Variants in PRRG1 observed in about 807,000 individuals in gnomAD.
PRRG1 encodes the protein transmembrane gamma-carboxyglutamic acid protein 1.
PRRG1 carries 5 observed loss-of-function variants against 11.8 expected under a neutral mutation model. The ratio of observed to expected loss-of-function variants is 0.42; its 90% confidence interval spans 0.22 to 0.89. PRRG1 has a LOEUF of 0.89. PRRG1 is among the 40% of genes least tolerant of loss of function. The pLI is 0.28. For synonymous variants in PRRG1, 66 were observed against 60.4 expected, an observed-to-expected ratio of 1.09 and a Z score of -0.43; for missense variants, 155 against 166.1, an observed-to-expected ratio of 0.93 and a Z score of 0.37.
intron 2 of PRRG1, among the ~76,000 whole-genome samples, chrX:37,415,120 G>A (rs782095096): frequency 2.7e-5 from 3 of 112,412 alleles, no homozygotes; most frequent in Non-Finnish European, 5.6e-5. Context: ...AATTAAAAAT[G>A]TGTCGCAGCC....
At chrX:37,432,261 G>C (rs1031723582) in intron 3 of PRRG1, among the ~76,000 whole-genome samples, 9 of 109,670 alleles carry the variant, frequency 8.2e-5, no homozygotes, top group Non-Finnish European at 1.7e-4. Flanking sequence ...CTAATTTTTT[G>C]TATTTTTAGT....
At chrX:37,363,191 G>A (rs1441877631) in intron 1 of PRRG1, among the ~76,000 whole-genome samples, 1 of 111,812 alleles carries the variant, frequency 8.9e-6, no homozygotes, top group Non-Finnish European at 1.9e-5. Context: ...TCACTTTGGA[G>A]GTATACAGTA....
chrX:37,375,386 G>A (rs1325030093), intron 1 of PRRG1, among the ~76,000 whole-genome samples: 1 of 111,538 alleles, frequency 9.0e-6, no homozygotes, highest in Admixed American at 9.5e-5. Context: ...ATATAGTTGG[G>A]TCCTCTGTAT....
chrX:37,379,965 A>G (rs1351820542), intron 1 of PRRG1, among the ~76,000 whole-genome samples: 2 of 111,802 alleles, frequency 1.8e-5, no homozygotes, highest in Non-Finnish European at 3.8e-5. Flanking sequence ...TGAGTACTAC[A>G]GATTTGAATG....
intron 3 of PRRG1, among the ~76,000 whole-genome samples, chrX:37,426,843 T>C (rs1196437241): frequency 1.8e-5 from 2 of 112,408 alleles, no homozygotes; most frequent in East Asian, 5.5e-4. Context: ...TTGGTTTTAT[T>C]TTATTTTATT....
At chrX:37,450,510 C>A (rs1378207752) in intron 3 of PRRG1, among the ~76,000 whole-genome samples, 1 of 111,333 alleles carries the variant, frequency 9.0e-6, no homozygotes, top group African/African-American at 3.3e-5. Context: ...CCCAGAATGC[C>A]AAAAAACAGA....
At chrX:37,452,527 C>T (rs1921179906) in intron 3 of PRRG1, among the ~76,000 whole-genome samples, 1 of 112,250 alleles carries the variant, frequency 8.9e-6, no homozygotes. Flanking sequence ...GTAGCTTCTT[C>T]ACCAGCCTGA....
At chrX:37,406,807 T>A (rs1556382188) in intron 2 of PRRG1, among the ~76,000 whole-genome samples, 1 of 111,478 alleles carries the variant, frequency 9.0e-6, no homozygotes, top group Non-Finnish European at 1.9e-5. Flanking sequence ...ACAGATAAAT[T>A]TAAGTTCATT....
intron 1 of PRRG1, among the ~76,000 whole-genome samples, chrX:37,376,551 G>GCATATATATATATATATATATA (rs1556372317): frequency 1.0e-3 from 27 of 26,924 alleles, no homozygotes; most frequent in African/African-American, 1.9e-3. Context: ...AAATGTGAGT[G>GCATATATATATATATATATATA]TATATATATA....
At chrX:37,431,798 C>T (rs1932830015) in intron 3 of PRRG1, among the ~76,000 whole-genome samples, 1 of 111,402 alleles carries the variant, frequency 9.0e-6, no homozygotes, top group African/African-American at 3.3e-5. Flanking sequence ...GACAGATTCT[C>T]GCTCTGTTGC....
intron 3 of PRRG1, among the ~76,000 whole-genome samples, chrX:37,443,411 C>T (rs1365215817): frequency 1.8e-5 from 2 of 111,621 alleles, no homozygotes; most frequent in African/African-American, 6.5e-5. Flanking sequence ...AAATGAATGT[C>T]AGCTTTGGAA....
At chrX:37,431,233 T>A (rs1034956055) in intron 3 of PRRG1, among the ~76,000 whole-genome samples, 8 of 112,328 alleles carry the variant, frequency 7.1e-5, no homozygotes, top group Admixed American at 5.6e-4. Flanking sequence ...TGTATTGACA[T>A]AAATTTTCAT....
chrX:37,451,396 G>C (rs1167808369), intron 3 of PRRG1, among the ~76,000 whole-genome samples: 1 of 112,460 alleles, frequency 8.9e-6, no homozygotes, highest in Non-Finnish European at 1.9e-5. Flanking sequence ...TATATAAAAA[G>C]TTAATGATGT....
intron 1 of PRRG1, among the ~76,000 whole-genome samples, chrX:37,402,174 C>G (rs1556380540): frequency 9.0e-6 from 1 of 111,353 alleles, no homozygotes; most frequent in Non-Finnish European, 1.9e-5. Flanking sequence ...GCCCGCATCA[C>G]CAAGTCAATC....
intron 1 of PRRG1, among the ~76,000 whole-genome samples, chrX:37,380,069 G>A (rs1189464585): frequency 1.4e-4 from 16 of 111,401 alleles, no homozygotes; most frequent in African/African-American, 5.2e-4. Context: ...AATTAACAGT[G>A]GCTTTAGGAT....
chrX:37,399,025 G>A (rs1360491658), intron 1 of PRRG1, among the ~76,000 whole-genome samples: 6 of 112,180 alleles, frequency 5.3e-5, no homozygotes, highest in Non-Finnish European at 9.4e-5. Flanking sequence ...TGAAAGTGAC[G>A]AGGAGAATGG....
intron 1 of PRRG1, among the ~76,000 whole-genome samples, chrX:37,399,884 A>T (rs1412480172): frequency 9.1e-6 from 1 of 110,058 alleles, no homozygotes; most frequent in Non-Finnish European, 1.9e-5. Flanking sequence ...AGAGACAAAG[A>T]AGGCCATTAC....
intron 1 of PRRG1, among the ~76,000 whole-genome samples, chrX:37,376,179 C>T (rs1930931418): frequency 9.1e-6 from 1 of 110,481 alleles, no homozygotes; most frequent in South Asian, 3.9e-4. Flanking sequence ...ATTTGCATTT[C>T]ATTGATGATA....
In PRRG1 at chrX:37,453,685, T is replaced by A; in HGVS notation, c.*64T>A. 1 of 1,033,669 alleles carries A rather than the reference T, an allele frequency of 9.7e-7. No homozygotes were observed. Among genetic ancestry groups the A allele is most frequent in the Non-Finnish European group, 1.3e-6 (1 of 776,840 alleles). 85.2% of individuals were successfully genotyped at this position (1,033,669 alleles called of 1,213,427 possible). On this transcript the variant is annotated 3_prime_UTR_variant, in exon 4 of 4. Transcript: ENST00000378628. ...ACTAATGGAAGAACTTTCTAGCACT[T>A]TACCACTACATAAATGTTCATTGAC...
Sources: gnomAD v4.1 joint callset for allele counts (sites outside exome capture counted in the v4.1 genomes callset) on GRCh38, gnomAD v4.1.1 for gene constraint, MANE v1.5 for transcripts, NCBI Gene and HGNC (gene_info 2026-07-23, HGNC 2026-07-21) for gene names.